The following ALG5 variants were observed in gnomAD, a reference collection of about 807,000 sequenced individuals.
ALG5 encodes dolichyl-phosphate beta-glucosyltransferase.
In ALG5, 26 loss-of-function variants were observed where a neutral mutation model predicts 51.8. That is an observed-to-expected ratio of 0.50 (90% CI 0.37 to 0.70). The LOEUF is 0.70. ALG5 is among the 30% of genes least tolerant of loss of function. The pLI is 0.00. For missense variants in ALG5, 311 were observed against 399.3 expected (o/e 0.78, Z 1.88); for synonymous variants, 141 against 136.1 (o/e 1.04, Z -0.25).
intron 3 of ALG5, 109 bp downstream of exon 3, chr13:36,994,880 G>A (rs1449736434): frequency 3.3e-6 from 3 of 896,674 alleles, no homozygotes; most frequent in Admixed American, 2.3e-5. Flanking sequence ...CCCAGCGATC[G>A]GGGTGCTGCC....
At chr13:36,976,139 A>AT (rs1179530834) in intron 6 of ALG5, among the ~76,000 whole-genome samples, 2 of 151,830 alleles carry the variant, frequency 1.3e-5, no homozygotes, top group Non-Finnish European at 2.9e-5. Context: ...TCTTTAAAGA[A>AT]TTTTCTAGGC....
chr13:36,977,131 A>G (rs984777090), intron 6 of ALG5, among the ~76,000 whole-genome samples: 1 of 152,242 alleles, frequency 6.6e-6, no homozygotes, highest in African/African-American at 2.4e-5. Flanking sequence ...TTCTGATGTA[A>G]GAGCTGAATC....
intron 6 of ALG5, among the ~76,000 whole-genome samples, chr13:36,984,328 T>C (rs936390824): frequency 1.3e-5 from 2 of 152,136 alleles, no homozygotes; most frequent in African/African-American, 4.8e-5. Context: ...CTCAAACTCC[T>C]GGCCTCAAGT....
intron 6 of ALG5, among the ~76,000 whole-genome samples, chr13:36,979,188 T>C (rs1375348556): frequency 1.3e-5 from 2 of 151,990 alleles, no homozygotes; most frequent in Non-Finnish European, 2.9e-5. Flanking sequence ...GGCTAAGTTT[T>C]TGTATTTTTA....
chr13:36,985,594 T>C, intron 6 of ALG5, 33 bp downstream of exon 6: 1 of 1,519,492 alleles, frequency 6.6e-7, no homozygotes, highest in Non-Finnish European at 9.1e-7. Flanking sequence ...CATTCTTGAC[T>C]GAATGTTATT....
chr13:36,993,847 A>G (rs1440557979), intron 3 of ALG5, among the ~76,000 whole-genome samples, 175 bp from the exon 4 acceptor site: 2 of 152,210 alleles, frequency 1.3e-5, no homozygotes, highest in Non-Finnish European at 2.9e-5. Flanking sequence ...AGAGAGAGAG[A>G]GATCCTGGGT....
At chr13:36,979,795 C>A (rs538088672) in intron 6 of ALG5, among the ~76,000 whole-genome samples, 38 of 152,286 alleles carry the variant, frequency 2.5e-4, no homozygotes, top group African/African-American at 9.1e-4. Flanking sequence ...AGCCTGTAAT[C>A]CCAGCACTTT....
intron 4 of ALG5, 91 bp from the exon 5 acceptor site, chr13:36,989,667 A>C (rs1018117071): frequency 5.1e-5 from 47 of 923,898 alleles, no homozygotes; most frequent in Non-Finnish European, 4.9e-5. Flanking sequence ...AAACACTGCT[A>C]TTGCAGTTTA....
chr13:36,999,293 G>T lies in ALG5; in HGVS notation c.8C>A (p.Pro3Gln). MA[P>Q]LLLQLAVLGA... ...GAGCACCGCCAGCTGCAACAGAAGC[G>T]GAGCCATTCTCCATGCCGTGGCAGC... Residue 3 changes from proline to glutamine, a missense_variant, in exon 1 of 10, where the codon CCG becomes CAG. Coordinates refer to ENST00000239891, the MANE Select transcript of ALG5 (RefSeq NM_013338.5). 1 of 1,575,532 alleles carries T rather than the reference G, an allele frequency of 6.3e-7. No individual in the cohort carries two copies.
chr13:36,997,290 T>G (rs2059055126), intron 1 of ALG5, among the ~76,000 whole-genome samples: 1 of 151,840 alleles, frequency 6.6e-6, no homozygotes, highest in Non-Finnish European at 1.5e-5. Context: ...CTGGCCAACA[T>G]GGCGAAACCC....
chr13:36,979,043 G>A (rs1399348783), intron 6 of ALG5, among the ~76,000 whole-genome samples: 1 of 151,990 alleles, frequency 6.6e-6, no homozygotes, highest in African/African-American at 2.4e-5. Flanking sequence ...TAATTATGGA[G>A]TCTTGCTCTG....
intron 6 of ALG5, among the ~76,000 whole-genome samples, chr13:36,980,753 A>G (rs1366387793): frequency 6.6e-6 from 1 of 150,766 alleles, no homozygotes; most frequent in Admixed American, 6.6e-5. Flanking sequence ...CAGGCAGATC[A>G]CTTGAGGCCA....
chr13:36,966,022 T>C (rs991357263), intron 7 of ALG5, among the ~76,000 whole-genome samples: 2 of 152,242 alleles, frequency 1.3e-5, no homozygotes, highest in Non-Finnish European at 2.9e-5. Context: ...GCTGCTGCTG[T>C]GAGCAAGGAG....
intron 5 of ALG5, 68 bp downstream of exon 5, chr13:36,989,416 A>T: frequency 8.4e-7 from 1 of 1,197,394 alleles, no homozygotes; most frequent in Non-Finnish European, 1.2e-6. Flanking sequence ...GCAAACATAC[A>T]AGTCTGCAAA....
At chr13:36,977,447 T>C (rs2058957161) in intron 6 of ALG5, among the ~76,000 whole-genome samples, 1 of 152,062 alleles carries the variant, frequency 6.6e-6, no homozygotes, top group Admixed American at 6.6e-5. Context: ...TGAGTCATGA[T>C]GGCACCATTG....
intron 2 of ALG5, 91 bp from the exon 3 acceptor site, chr13:36,995,126 A>C: frequency 9.0e-7 from 1 of 1,111,408 alleles, no homozygotes; most frequent in Non-Finnish European, 1.3e-6. Flanking sequence ...AGTCCCAATA[A>C]TCTAACAAGC....
At chr13:36,966,757 A>G (rs2058895442) in intron 7 of ALG5, among the ~76,000 whole-genome samples, 1 of 152,196 alleles carries the variant, frequency 6.6e-6, no homozygotes, top group Non-Finnish European at 1.5e-5. Flanking sequence ...TACATAAGCA[A>G]CCTATTAAGA....
At chr13:36,965,121 G>A (rs909747438) in intron 8 of ALG5, among the ~76,000 whole-genome samples, 1 of 152,090 alleles carries the variant, frequency 6.6e-6, no homozygotes, top group Admixed American at 6.6e-5. Context: ...GTGATGGAAG[G>A]GAAAAGGCTG....
intron 6 of ALG5, among the ~76,000 whole-genome samples, chr13:36,977,914 T>C (rs529256679): frequency 5.7e-5 from 8 of 141,290 alleles, no homozygotes; most frequent in African/African-American, 2.1e-4. Context: ...TTTAATGGAA[T>C]CTCACTCTGT....
Sources: allele counts gnomAD v4.1 joint callset (sites outside exome capture counted in the v4.1 genomes callset), GRCh38; gene constraint gnomAD v4.1.1; transcripts MANE v1.5; gene names NCBI Gene and HGNC (gene_info 2026-07-23, HGNC 2026-07-21).